C8orf34: variants seen among roughly 807,000 people sequenced by gnomAD.
The protein encoded by C8orf34 is uncharacterized protein C8orf34.
Under a neutral mutation model 68.3 loss-of-function variants are expected in C8orf34, and 65 were observed. The observed-to-expected ratio is 0.95, with a 90% CI of 0.78 to 1.17. The LOEUF is 1.17. C8orf34 is among the 50% of genes most tolerant of loss of function. The pLI, the probability that C8orf34 is intolerant of heterozygous loss-of-function variation, is 0.00. For missense variants in C8orf34, 664 were observed against 655.4 expected (o/e 1.01, Z -0.14); for synonymous variants, 244 against 241.2 (o/e 1.01, Z -0.11).
intron 10 of C8orf34, among the ~76,000 whole-genome samples, chr8:68,772,060 G>A (rs1046187946): frequency 5.3e-5 from 8 of 152,030 alleles, no homozygotes; most frequent in Non-Finnish European, 1.2e-4. Flanking sequence ...CATTCATATC[G>A]AGCTCCCATT....
In C8orf34 at chr8:68,478,119, A is replaced by C. The variant is rs535724207; in HGVS notation, c.736+9299A>C. ...CAGCTGGTTTGAATTTCTTCCCAGA[A>C]AATGGGTTTTTCTTTTCTACCACAT... On this transcript the variant is annotated intron_variant, in intron 4 of 13. Transcript: ENST00000518698. 2.0e-5 allele frequency among the ~76,000 whole-genome samples: 3 copies of C among 152,334 alleles called. No individual in the cohort carries two copies. The South Asian group carries it at 6.2e-4, about 32-fold the overall frequency.
At chr8:68,659,437 G>A (rs941576126) in intron 8 of C8orf34, among the ~76,000 whole-genome samples, 3 of 152,092 alleles carry the variant, frequency 2.0e-5, no homozygotes, top group African/African-American at 7.2e-5. Flanking sequence ...TCCATTTTGA[G>A]TCTATTTCAG....
intron 10 of C8orf34, among the ~76,000 whole-genome samples, chr8:68,744,366 G>A (rs1289903745): frequency 3.3e-5 from 5 of 152,072 alleles, no homozygotes; most frequent in Admixed American, 6.5e-5. Flanking sequence ...CACCAGCAAC[G>A]GAACAAAGCT....
chr8:68,450,259 A>T (rs1012137905), intron 3 of C8orf34, among the ~76,000 whole-genome samples: 5 of 152,088 alleles, frequency 3.3e-5, no homozygotes, highest in African/African-American at 1.2e-4. Context: ...TATTTCCACC[A>T]TATATTCAGT....
At chr8:68,416,722 G>T (rs1809685712) in intron 1 of C8orf34, among the ~76,000 whole-genome samples, 1 of 151,750 alleles carries the variant, frequency 6.6e-6, no homozygotes, top group South Asian at 2.1e-4. Context: ...GTAGAGGTGG[G>T]GTTTCACCAT....
chr8:68,536,954 C>T (rs2129882733), intron 7 of C8orf34, among the ~76,000 whole-genome samples: 1 of 152,106 alleles, frequency 6.6e-6, no homozygotes, highest in Non-Finnish European at 1.5e-5. Context: ...TTTCTATTAC[C>T]TCAATATGTT....
rs543154152 is a variant in C8orf34 at position 68,473,078 on chromosome 8, G to A, written c.736+4258G>A. 3.4e-4 allele frequency among the ~76,000 whole-genome samples: 51 copies of A among 151,138 alleles called. 1 individual carries two copies. The highest frequency in any genetic ancestry group is 1.5e-3 in the South Asian group (7 of 4,818). On this transcript the variant is annotated intron_variant, in intron 4 of 13. Transcript: ENST00000518698. ...GAAAGAGTAGTTGTGAAGCGGCATCGTTGTCTGGGGTAAATACCCGAGGTT... is the reference window on the plus strand; with the variant it reads ...GAAAGAGTAGTTGTGAAGCGGCATCATTGTCTGGGGTAAATACCCGAGGTT...
At chr8:68,405,264 C>T (rs1489238122) in intron 1 of C8orf34, among the ~76,000 whole-genome samples, 1 of 152,106 alleles carries the variant, frequency 6.6e-6, no homozygotes, top group African/African-American at 2.4e-5. Context: ...TAAAGGAATT[C>T]TGGGCCTTTT....
intron 3 of C8orf34, among the ~76,000 whole-genome samples, chr8:68,466,040 T>TAA (rs55695871): frequency 0.019 from 2,753 of 147,426 alleles, 37 homozygotes; most frequent in Non-Finnish European, 0.025. Flanking sequence ...TTTGGTCATT[T>TAA]AAAAAAAAAA....
chr8:68,672,599 C>T (rs1820048396), intron 8 of C8orf34, among the ~76,000 whole-genome samples: 1 of 152,186 alleles, frequency 6.6e-6, no homozygotes, highest in African/African-American at 2.4e-5. Context: ...GGAAATCACT[C>T]ATACCAGCTA....
intron 8 of C8orf34, among the ~76,000 whole-genome samples, chr8:68,707,786 T>C (rs191822561): frequency 2.0e-5 from 3 of 152,184 alleles, no homozygotes; most frequent in Non-Finnish European, 4.4e-5. Flanking sequence ...TTGGAGCTCA[T>C]TGTGAATTTT....
intron 4 of C8orf34, among the ~76,000 whole-genome samples, chr8:68,480,454 A>G (rs895754838): frequency 6.6e-6 from 1 of 152,208 alleles, no homozygotes; most frequent in South Asian, 2.1e-4. Flanking sequence ...GGTGTTGCCA[A>G]AAAGATACCT....
chr8:68,592,270 G>C (rs529740358), intron 7 of C8orf34, among the ~76,000 whole-genome samples: 1 of 151,380 alleles, frequency 6.6e-6, no homozygotes, highest in Admixed American at 6.6e-5. Flanking sequence ...TATTTAATCC[G>C]TAAATCAATT....
intron 7 of C8orf34, among the ~76,000 whole-genome samples, chr8:68,553,384 C>CAAAAA (rs553767784): frequency 1.5e-4 from 2 of 13,650 alleles, no homozygotes; most frequent in Non-Finnish European, 1.6e-4. Context: ...GACTCCATCT[C>CAAAAA]AAAAAAAAAA....
intron 8 of C8orf34, among the ~76,000 whole-genome samples, chr8:68,651,778 A>G (rs1159695): frequency 6.6e-6 from 1 of 152,172 alleles, no homozygotes; most frequent in African/African-American, 2.4e-5. Flanking sequence ...AGGGTGAGGG[A>G]TGAAAAATTA....
intron 11 of C8orf34, among the ~76,000 whole-genome samples, chr8:68,777,953 T>G (rs1046375358): frequency 6.6e-6 from 1 of 152,180 alleles, no homozygotes; most frequent in Admixed American, 6.5e-5. Context: ...TTCTTAGGGG[T>G]TTAGTATTAC....
At chr8:68,610,576 A>G (rs1318175784) in intron 7 of C8orf34, among the ~76,000 whole-genome samples, 5 of 152,184 alleles carry the variant, frequency 3.3e-5, no homozygotes, top group African/African-American at 4.8e-5. Flanking sequence ...CTTCATTTGC[A>G]TACTCAGCAA....
At chr8:68,402,839 T>A (rs905472412) in intron 1 of C8orf34, among the ~76,000 whole-genome samples, 2 of 152,196 alleles carry the variant, frequency 1.3e-5, no homozygotes, top group Non-Finnish European at 2.9e-5. Flanking sequence ...GAATGTTTCA[T>A]GTGCTGGTGA....
At chr8:68,669,910 A>G (rs1357344957) in intron 8 of C8orf34, among the ~76,000 whole-genome samples, 3 of 152,156 alleles carry the variant, frequency 2.0e-5, no homozygotes, top group Non-Finnish European at 1.5e-5. Context: ...AATTGACCAA[A>G]TGTTTTTTTG....
Sources: gnomAD v4.1 joint callset for allele counts (sites outside exome capture counted in the v4.1 genomes callset) on GRCh38, gnomAD v4.1.1 for gene constraint, MANE v1.5 for transcripts, NCBI Gene and HGNC (gene_info 2026-07-23, HGNC 2026-07-21) for gene names.